Variants in PRKD1 observed in about 807,000 individuals in gnomAD.
The protein encoded by PRKD1 is serine/threonine-protein kinase D1.
In PRKD1, 63 loss-of-function variants were observed where a neutral mutation model predicts 95.9. The observed-to-expected ratio is 0.66, with a 90% CI of 0.54 to 0.81. The LOEUF is 0.81. Among genes scored for constraint, PRKD1 ranks in the 30% least tolerant of loss-of-function variants. The pLI, the probability that PRKD1 is intolerant of heterozygous loss-of-function variation, is 0.00. For synonymous variants in PRKD1, 425 were observed against 423.1 expected, an observed-to-expected ratio of 1.00 and a Z score of -0.05; for missense variants, 1,048 against 1,165.3, an observed-to-expected ratio of 0.90 and a Z score of 1.47.
chr14:29,742,922 C>T (rs1259010655), intron 1 of PRKD1, among the ~76,000 whole-genome samples: 3 of 151,990 alleles, frequency 2.0e-5, no homozygotes. Context: ...TACAAAGAGC[C>T]CTCACCCCCA....
At chr14:29,842,452 T>C (rs1891893044) in intron 1 of PRKD1, among the ~76,000 whole-genome samples, 2 of 152,204 alleles carry the variant, frequency 1.3e-5, no homozygotes, top group African/African-American at 4.8e-5. Flanking sequence ...GGAATTATCC[T>C]CATTAGCTCC....
At chr14:29,601,614 T>A (rs1465487425) in intron 13 of PRKD1, among the ~76,000 whole-genome samples, 1 of 152,220 alleles carries the variant, frequency 6.6e-6, no homozygotes, top group Non-Finnish European at 1.5e-5. Flanking sequence ...ACAAAGCTCA[T>A]ATTATCAACC....
At chr14:29,596,340 T>C (rs768718115) in intron 16 of PRKD1, among the ~76,000 whole-genome samples, 2 of 152,202 alleles carry the variant, frequency 1.3e-5, no homozygotes, top group Non-Finnish European at 2.9e-5. Context: ...TAGAACTAGA[T>C]ATTGCCTGTA....
chr14:29,832,194 G>C (rs1194575465), intron 1 of PRKD1, among the ~76,000 whole-genome samples: 1 of 152,014 alleles, frequency 6.6e-6, no homozygotes, highest in African/African-American at 2.4e-5. Flanking sequence ...TATAGAGATA[G>C]TTCCCACCCC....
At chr14:29,799,162 T>C (rs867677911) in intron 1 of PRKD1, among the ~76,000 whole-genome samples, 1 of 152,352 alleles carries the variant, frequency 6.6e-6, no homozygotes, top group Middle Eastern at 3.4e-3. Context: ...GAATCAAAGT[T>C]GTAGACTTGC....
At chr14:29,842,924 T>A (rs564227665) in intron 1 of PRKD1, among the ~76,000 whole-genome samples, 1 of 152,044 alleles carries the variant, frequency 6.6e-6, no homozygotes, top group Non-Finnish European at 1.5e-5. Flanking sequence ...CAAAAGGTCA[T>A]GAAAAAGACA....
At chr14:29,871,750 C>T (rs1893116616) in intron 1 of PRKD1, among the ~76,000 whole-genome samples, 1 of 152,174 alleles carries the variant, frequency 6.6e-6, no homozygotes, top group African/African-American at 2.4e-5. Context: ...TGCTCTTACC[C>T]TGCTTCATAT....
At chr14:29,672,203 T>C (rs1204292707) in intron 2 of PRKD1, among the ~76,000 whole-genome samples, 2 of 151,444 alleles carry the variant, frequency 1.3e-5, no homozygotes, top group Non-Finnish European at 2.9e-5. Flanking sequence ...TGGCCGGGCG[T>C]GGTGGTGGGT....
At chr14:29,746,531 T>TACACACACAC (rs143019466) in intron 1 of PRKD1, among the ~76,000 whole-genome samples, 2 of 149,360 alleles carry the variant, frequency 1.3e-5, no homozygotes, top group South Asian at 2.1e-4. Context: ...TGTACATATA[T>TACACACACAC]ACACACACAC....
intron 2 of PRKD1, among the ~76,000 whole-genome samples, chr14:29,686,062 A>T (rs150350062): frequency 2.0e-5 from 3 of 152,328 alleles, no homozygotes; most frequent in African/African-American, 7.2e-5. Context: ...TTTAGTTTGC[A>T]CAATTCTTAT....
Position 29,630,967 on chromosome 14 carries a change from T to A in PRKD1, c.1447A>T (p.Ile483Phe). 1 of 1,613,886 alleles carries A rather than the reference T, an allele frequency of 6.2e-7. No individual in the cohort carries two copies. The highest frequency in any genetic ancestry group is 8.5e-7 in the Non-Finnish European group (1 of 1,179,860). Reference protein sequence around the residue: ...SLEPVKTSALIPNGANPHCFE... With the variant: ...SLEPVKTSALFPNGANPHCFE... ...CAATGAGGATTGGCCCCATTAGGAATTAAAGCTGAAGTTTTTACTGGTTCC... is the reference window on the plus strand; with the variant it reads ...CAATGAGGATTGGCCCCATTAGGAAATAAAGCTGAAGTTTTTACTGGTTCC... The change falls in exon 10 of 18, where the codon ATT becomes TTT. Residue 483 changes from isoleucine to phenylalanine, a missense_variant. Coordinates refer to ENST00000331968, the MANE Select transcript of PRKD1 (RefSeq NM_002742.3).
intron 16 of PRKD1, among the ~76,000 whole-genome samples, chr14:29,584,876 A>G (rs1431584382): frequency 2.0e-5 from 3 of 152,074 alleles, no homozygotes; most frequent in Non-Finnish European, 4.4e-5. Flanking sequence ...CAGGCGGGAA[A>G]TCACCTGTGA....
At chr14:29,753,629 G>T (rs1887573396) in intron 1 of PRKD1, among the ~76,000 whole-genome samples, 2 of 151,988 alleles carry the variant, frequency 1.3e-5, no homozygotes, top group South Asian at 4.2e-4. Context: ...CCAGCCCAGA[G>T]CAAGCCATCA....
At chr14:29,856,703 A>T (rs1892519042) in intron 1 of PRKD1, among the ~76,000 whole-genome samples, 1 of 152,182 alleles carries the variant, frequency 6.6e-6, no homozygotes, top group Admixed American at 6.5e-5. Flanking sequence ...GAGTCCAAGT[A>T]CCATGGGTCC....
intron 13 of PRKD1, among the ~76,000 whole-genome samples, chr14:29,604,797 T>G (rs1893646140): frequency 6.6e-6 from 1 of 152,224 alleles, no homozygotes; most frequent in African/African-American, 2.4e-5. Context: ...TAAAAGTATT[T>G]GTTAAAGATA....
chr14:29,724,620 G>A (rs890950093), intron 2 of PRKD1, among the ~76,000 whole-genome samples: 1 of 152,068 alleles, frequency 6.6e-6, no homozygotes. Flanking sequence ...AAGATAAATT[G>A]AATTATAATC....
At chr14:29,853,995 C>A (rs559635210) in intron 1 of PRKD1, among the ~76,000 whole-genome samples, 1 of 152,286 alleles carries the variant, frequency 6.6e-6, no homozygotes, top group Admixed American at 6.5e-5. Flanking sequence ...GTCCATTAAA[C>A]CTCTTTCTTT....
intron 2 of PRKD1, among the ~76,000 whole-genome samples, chr14:29,672,113 C>T (rs1301991314): frequency 6.6e-6 from 1 of 152,044 alleles, no homozygotes; most frequent in African/African-American, 2.4e-5. Flanking sequence ...GAGGCCAAGG[C>T]AGGCAGATCA....
intron 13 of PRKD1, among the ~76,000 whole-genome samples, chr14:29,609,101 T>C (rs566249292): frequency 1.1e-4 from 17 of 152,252 alleles, no homozygotes; most frequent in African/African-American, 3.6e-4. Context: ...ACTCCGAGGA[T>C]TCAGAAATTC....
Sources: gnomAD v4.1 joint callset for allele counts (sites outside exome capture counted in the v4.1 genomes callset) on GRCh38, gnomAD v4.1.1 for gene constraint, MANE v1.5 for transcripts, NCBI Gene and HGNC (gene_info 2026-07-23, HGNC 2026-07-21) for gene names.